The following STARD13 variants were observed in gnomAD, a reference collection of about 807,000 sequenced individuals.
STARD13 encodes StAR related lipid transfer domain containing 13.
A neutral mutation model predicts 106.4 loss-of-function variants in STARD13; 62 were observed. The ratio of observed to expected loss-of-function variants is 0.58; its 90% CI spans 0.48 to 0.72. STARD13 has a LOEUF of 0.72. Ranked by LOEUF, STARD13 falls within the 30% of genes least tolerant of loss-of-function variation. The pLI is 0.00. For synonymous variants in STARD13, 565 were observed against 553.0 expected, an observed-to-expected ratio of 1.02 and a Z score of -0.31; for missense variants, 1,387 against 1,424.0, an observed-to-expected ratio of 0.97 and a Z score of 0.42.
At chr13:33,639,114 A>G in the STARD13 span, among the ~76,000 whole-genome samples, 2 of 152,232 alleles carry the variant, frequency 1.3e-5, no homozygotes, top group African/African-American at 4.8e-5. Flanking sequence ...AAGAAATGAG[A>G]AACAAATGGA....
chr13:33,270,068 T>C (rs7325507), intron 1 of STARD13, among the ~76,000 whole-genome samples: 148,535 of 152,094 alleles, frequency 0.98, 72,643 homozygotes, highest in South Asian at 1. Context: ...AAAACCCGTC[T>C]GTACTAAAAA....
the STARD13 span, among the ~76,000 whole-genome samples, chr13:33,592,203 C>T: frequency 5.9e-5 from 9 of 152,132 alleles, no homozygotes; most frequent in East Asian, 1.5e-3. Context: ...TCCAGTGGAT[C>T]GATTTTCAAA....
intron 1 of STARD13, among the ~76,000 whole-genome samples, chr13:33,267,519 T>C (rs953805490): frequency 2.0e-5 from 3 of 152,148 alleles, no homozygotes; most frequent in Non-Finnish European, 4.4e-5. Flanking sequence ...CCCATCAAAC[T>C]CTGGTGTGAT....
the STARD13 span, chr13:33,656,995 C>G: frequency 1.2e-4 from 18 of 152,366 alleles, no homozygotes; most frequent in African/African-American, 4.3e-4. Flanking sequence ...CTAGGCTGAG[C>G]GCGGTGGCTC....
chr13:33,168,310 C>T (rs957344922), intron 1 of STARD13, among the ~76,000 whole-genome samples: 6 of 152,052 alleles, frequency 3.9e-5, no homozygotes, highest in African/African-American at 1.4e-4. Flanking sequence ...CCTGCCAGAA[C>T]CTCTGAGGGC....
At chr13:33,134,884 A>T (rs1263499616) in intron 4 of STARD13, among the ~76,000 whole-genome samples, 3 of 152,252 alleles carry the variant, frequency 2.0e-5, no homozygotes, top group African/African-American at 7.2e-5. Flanking sequence ...CCTTCCTGCT[A>T]TTAATAGTCT....
chr13:33,341,456 G>C (rs2077959339), intron 1 of STARD13, among the ~76,000 whole-genome samples: 1 of 151,986 alleles, frequency 6.6e-6, no homozygotes, highest in South Asian at 2.1e-4. Flanking sequence ...CGCTAACATG[G>C]TGAAATCCTG....
upstream of STARD13, chr13:33,355,506 T>A (rs533643913): frequency 6.6e-6 from 1 of 152,190 alleles, no homozygotes; most frequent in Admixed American, 6.5e-5. Context: ...AGCTTTGCTG[T>A]GGGGAAATGC....
intron 1 of STARD13, among the ~76,000 whole-genome samples, chr13:33,255,173 G>A (rs1190857670): frequency 1.3e-5 from 2 of 151,946 alleles, no homozygotes; most frequent in African/African-American, 4.8e-5. Flanking sequence ...CATCCTACGA[G>A]GGGGACCAGG....
At chr13:33,225,504 G>T (rs1261497986) in intron 1 of STARD13, among the ~76,000 whole-genome samples, 1 of 152,158 alleles carries the variant, frequency 6.6e-6, no homozygotes, top group African/African-American at 2.4e-5. Flanking sequence ...TTGTAAAGAT[G>T]CCAGGAACTG....
intron 3 of STARD13, among the ~76,000 whole-genome samples, chr13:33,161,262 A>G (rs1321009792): frequency 6.6e-6 from 1 of 152,174 alleles, no homozygotes; most frequent in Admixed American, 6.5e-5. Context: ...GAGTAGGAGT[A>G]GAAGCTGCTA....
chr13:33,443,231 G>A, the STARD13 span, among the ~76,000 whole-genome samples: 4 of 151,948 alleles, frequency 2.6e-5, no homozygotes, highest in Non-Finnish European at 5.9e-5. Context: ...CAAAAAATTA[G>A]CCAGGCGTGG....
chr13:33,198,163 G>A (rs190547410), intron 1 of STARD13, among the ~76,000 whole-genome samples: 19 of 152,284 alleles, frequency 1.2e-4, no homozygotes, highest in South Asian at 8.3e-4. Flanking sequence ...GTGAGACTCC[G>A]TCTCAAAAAA....
At chr13:33,271,383 T>C (rs1891150088) in intron 1 of STARD13, 1 of 152,250 alleles carries the variant, frequency 6.6e-6, no homozygotes, top group African/African-American at 2.4e-5. Flanking sequence ...AGGTCCACTG[T>C]GAAGTCACAA....
chr13:33,175,743 C>T (rs1404461763), intron 1 of STARD13, among the ~76,000 whole-genome samples: 1 of 152,188 alleles, frequency 6.6e-6, no homozygotes, highest in Non-Finnish European at 1.5e-5. Flanking sequence ...GATTTCTTAG[C>T]TTTTGACAGG....
the STARD13 span, among the ~76,000 whole-genome samples, chr13:33,469,977 C>T: frequency 3.3e-5 from 5 of 152,084 alleles, no homozygotes; most frequent in Non-Finnish European, 7.4e-5. Context: ...CATAGGTATA[C>T]ATGTGCCATG....
At chr13:33,116,118 G>A (rs1295632831) in intron 8 of STARD13, among the ~76,000 whole-genome samples, 1 of 152,148 alleles carries the variant, frequency 6.6e-6, no homozygotes, top group Non-Finnish European at 1.5e-5. Flanking sequence ...AATATTCAAT[G>A]TCCTTCCTTT....
intron 1 of STARD13, among the ~76,000 whole-genome samples, chr13:33,329,564 A>G (rs527963834): frequency 6.6e-6 from 1 of 152,232 alleles, no homozygotes; most frequent in South Asian, 2.1e-4. Flanking sequence ...TATTTTGCTT[A>G]GCATAACTTC....
At chr13:33,552,735 A>C in the STARD13 span, among the ~76,000 whole-genome samples, 2 of 152,236 alleles carry the variant, frequency 1.3e-5, no homozygotes, top group African/African-American at 4.8e-5. Context: ...AAAGAATTAA[A>C]AAGAGATAAA....
Sources: gnomAD v4.1 joint callset for allele counts (sites outside exome capture counted in the v4.1 genomes callset) on GRCh38, gnomAD v4.1.1 for gene constraint, MANE v1.5 for transcripts, NCBI Gene and HGNC (gene_info 2026-07-23, HGNC 2026-07-21) for gene names.